TRIM2: variants seen among roughly 807,000 people sequenced by gnomAD.
The protein encoded by TRIM2 is tripartite motif-containing protein 2.
In TRIM2, 20 loss-of-function variants were observed where a neutral mutation model predicts 75.2. That is an observed-to-expected ratio of 0.27 (90% confidence interval 0.19 to 0.39). The LOEUF is 0.39. TRIM2 is among the 10% of genes least tolerant of loss of function. TRIM2 has a pLI of 1.00. For missense variants in TRIM2, 660 were observed against 990.8 expected, an observed-to-expected ratio of 0.67 and a Z score of 4.48; for synonymous variants, 373 against 388.3, an observed-to-expected ratio of 0.96 and a Z score of 0.46.
intron 2 of TRIM2, among the ~76,000 whole-genome samples, chr4:153,272,988 G>A (rs1757090584): frequency 6.6e-6 from 1 of 151,996 alleles, no homozygotes; most frequent in Non-Finnish European, 1.5e-5. Flanking sequence ...ACAGGCATGC[G>A]CCACTATGCC....
At chr4:153,171,751 A>C (rs905071159) in intron 1 of TRIM2, among the ~76,000 whole-genome samples, 2 of 152,062 alleles carry the variant, frequency 1.3e-5, no homozygotes, top group Admixed American at 1.3e-4. Context: ...AACCTCCATG[A>C]ATCCAAATTC....
Position 153,270,322 on chromosome 4 carries a change from TTCTG to T in TRIM2, c.31-8_31-5del. 6.2e-7 allele frequency: 1 copy of T among 1,603,560 alleles called. No individual in the cohort carries two copies. Among genetic ancestry groups the T allele is most frequent in the Non-Finnish European group, 8.5e-7 (1 of 1,175,110 alleles). ...CATTATATGTTTTTCTGTTTTGATT[TTCTG>T]TCTGACAGCAGCAGCGTGCAGGGTC... On this transcript the variant is annotated splice_polypyrimidine_tract_variant and intron_variant, in intron 1 of 11. Transcript: ENST00000338700.
intron 1 of TRIM2, among the ~76,000 whole-genome samples, chr4:153,187,530 G>A (rs913580311): frequency 6.6e-6 from 1 of 152,232 alleles, no homozygotes; most frequent in Non-Finnish European, 1.5e-5. Flanking sequence ...AGGAGTGCAG[G>A]AATGGATAAG....
rs1397126517 is a variant in TRIM2 at position 153,292,879 on chromosome 4, T to G, written c.454-103T>G. 2.7e-6 allele frequency: 3 copies of G among 1,097,634 alleles called. No individual in the cohort carries two copies. In the African/African-American group the frequency reaches 4.7e-5, roughly 17 times the overall value. 68.0% of individuals were successfully genotyped at this position (1,097,634 alleles called of 1,614,324 possible). On this transcript the variant is annotated intron_variant, in intron 3 of 11. Coordinates refer to ENST00000338700, the MANE Select transcript of TRIM2 (RefSeq NM_015271.5). ...ACTTAATAATGCTGACATTCTGGGG[T>G]GGCTCTCATTTAATTATGAGAGACT...
Position 153,313,529 on chromosome 4 carries a change from G to A in TRIM2, c.1511-1956G>A, listed in dbSNP as rs538186409. Among the ~76,000 whole-genome samples the A allele has an allele frequency of 3.9e-5, 6 of 151,948 alleles. No individual in the cohort carries two copies. In the East Asian group the frequency reaches 1.2e-3, roughly 29 times the overall value. The stretch of plus-strand genomic sequence containing the variant: ...TCAGACAAGTCTATTCCCAAACAGT[G>A]CTTAAGCAGGTGTTTTACATTAGCC... On this transcript the variant is annotated intron_variant, in intron 6 of 11. Transcript: ENST00000338700.
chr4:153,212,242 T>C (rs1737235723), intron 1 of TRIM2, among the ~76,000 whole-genome samples: 2 of 152,296 alleles, frequency 1.3e-5, no homozygotes, highest in African/African-American at 2.4e-5. Context: ...GGCAGCAGCA[T>C]GGATGAACCT....
intron 1 of TRIM2, among the ~76,000 whole-genome samples, chr4:153,267,916 A>C (rs1755687245): frequency 6.6e-6 from 1 of 152,334 alleles, no homozygotes; most frequent in African/African-American, 2.4e-5. Context: ...CCAGCTGTGC[A>C]GGAGACCAGA....
Position 153,241,740 on chromosome 4 carries a change from G to T in TRIM2, c.31-28595G>T, listed in dbSNP as rs115471607. On this transcript the variant is annotated intron_variant, in intron 1 of 11. Coordinates refer to ENST00000338700, the MANE Select transcript of TRIM2 (RefSeq NM_015271.5). ...CTAAAACAAGGCGGCCTCCTTTTCT[G>T]AACTTATCTCAGAATTTCGACCTGA... is the stretch of plus-strand genomic sequence containing the variant. 9.1e-3 allele frequency among the ~76,000 whole-genome samples: 1,388 copies of T among 152,262 alleles called. 19 individuals are homozygous for T. The highest frequency in any genetic ancestry group is 0.031 in the African/African-American group (1,279 of 41,550).
rs536532002 is a variant in TRIM2, at chr4:153,184,352, G to A, written c.-49+31082G>A. Among the ~76,000 whole-genome samples the A allele has an allele frequency of 1.6e-4, 25 of 152,314 alleles. 1 individual carries two copies. The South Asian group carries it at 5.0e-3, about 30-fold the overall frequency. On this transcript the variant is annotated intron_variant, in intron 1 of 11. Transcript: ENST00000437508. ...TTTCCTTGATGTGCACACGTGGAGA[G>A]AGAGAGAACACATGCTCTGATGGCT...
chr4:153,265,369 G>A (rs979769714), intron 1 of TRIM2, among the ~76,000 whole-genome samples: 25 of 150,464 alleles, frequency 1.7e-4, no homozygotes, highest in African/African-American at 6.1e-4. Context: ...TTTTAAGATG[G>A]AGTCTCACTC....
intron 1 of TRIM2, among the ~76,000 whole-genome samples, chr4:153,185,675 A>G (rs1163523963): frequency 6.6e-6 from 1 of 152,212 alleles, no homozygotes; most frequent in Non-Finnish European, 1.5e-5. Context: ...CGTAAGCAGT[A>G]GGAACCCTGG....
exon 1 of TRIM2, chr4:153,153,143 A>C (rs1728876531): frequency 6.6e-6 from 1 of 152,252 alleles, no homozygotes; most frequent in African/African-American, 2.4e-5. Flanking sequence ...CTTGCAGAAA[A>C]TGAGGGGCTT....
intron 6 of TRIM2, chr4:153,307,886 G>T (rs1436281622): frequency 1.3e-5 from 10 of 747,906 alleles, no homozygotes; most frequent in Non-Finnish European, 2.5e-5. Context: ...CATTGTGGGA[G>T]ACCATGATTC....
At chr4:153,329,492 A>C (rs1770964237) in intron 11 of TRIM2, among the ~76,000 whole-genome samples, 1 of 151,662 alleles carries the variant, frequency 6.6e-6, no homozygotes, top group Admixed American at 6.6e-5. Flanking sequence ...CTGCCATCTC[A>C]AGAAGCTAGA....
chr4:153,317,876 C>T (rs930816065), intron 8 of TRIM2, among the ~76,000 whole-genome samples: 1 of 152,114 alleles, frequency 6.6e-6, no homozygotes, highest in Non-Finnish European at 1.5e-5. Context: ...GGGAGGATTG[C>T]TTGAGCCCAG....
At chr4:153,302,792 C>G (rs1467668423) in intron 6 of TRIM2, among the ~76,000 whole-genome samples, 1 of 152,218 alleles carries the variant, frequency 6.6e-6, no homozygotes, top group Non-Finnish European at 1.5e-5. Flanking sequence ...TCAAAATACA[C>G]TTTGATTATT....
At chr4:153,298,208 G>T (rs138235894) in intron 6 of TRIM2, among the ~76,000 whole-genome samples, 99 of 152,302 alleles carry the variant, frequency 6.5e-4, no homozygotes, top group African/African-American at 2.1e-3. Context: ...CATGCAGCAC[G>T]ATGTCTGAGT....
chr4:153,273,911 G>C (rs541674868), intron 2 of TRIM2, among the ~76,000 whole-genome samples: 66 of 152,314 alleles, frequency 4.3e-4, no homozygotes, highest in African/African-American at 1.5e-3. Flanking sequence ...TCAGGTATGT[G>C]CAAAGGTGCT....
chr4:153,242,675 T>A (rs1046153575), intron 1 of TRIM2, among the ~76,000 whole-genome samples: 1 of 152,232 alleles, frequency 6.6e-6, no homozygotes, highest in Non-Finnish European at 1.5e-5. Context: ...TCGACAGAAC[T>A]ACTGAAATTG....
Sources: allele counts gnomAD v4.1 joint callset (sites outside exome capture counted in the v4.1 genomes callset), GRCh38; gene constraint gnomAD v4.1.1; transcripts MANE v1.5; gene names NCBI Gene and HGNC (gene_info 2026-07-23, HGNC 2026-07-21).